The following SOCS4 variants were observed in gnomAD, a reference collection of about 807,000 sequenced individuals.
SOCS4 encodes suppressor of cytokine signaling 4.
Under a neutral mutation model 34.1 loss-of-function variants are expected in SOCS4, and 20 were observed. The observed-to-expected ratio is 0.59, with a 90% CI of 0.41 to 0.85. SOCS4 has a LOEUF of 0.85. SOCS4 is among the 40% of genes least tolerant of loss of function. The pLI, the probability that SOCS4 is intolerant of heterozygous loss-of-function variation, is 0.00. For missense variants in SOCS4, 479 were observed against 532.4 expected (o/e 0.90, Z 0.99); for synonymous variants, 180 against 186.4 (o/e 0.97, Z 0.28).
Position 55,046,000 on chromosome 14 carries a change from G to T in SOCS4, c.*1636G>T. 1 of 166,556 alleles carries T rather than the reference G, an allele frequency of 6.0e-6. No homozygotes were observed. The allele number at this position is 166,556 out of a possible 1,614,324, so 10.3% of individuals were successfully genotyped here. ...TTTTAGTAATTATTACAAAATTAAG[G>T]AAAATCTCTATTACCGTTATCTTTT... On this transcript the variant is annotated 3_prime_UTR_variant, in exon 3 of 3. Transcript: ENST00000555846.
intron 1 of SOCS4, among the ~76,000 whole-genome samples, chr14:55,028,051 G>A (rs28420819): frequency 0.034 from 5,174 of 152,238 alleles, 270 homozygotes; most frequent in African/African-American, 0.12. Context: ...TCTTTCATTT[G>A]TACTTATCTT....
intron 2 of SOCS4, among the ~76,000 whole-genome samples, chr14:55,041,783 CTTTTT>C (rs35998700): frequency 0.016 from 627 of 40,064 alleles, 2 homozygotes; most frequent in Middle Eastern, 0.043. Flanking sequence ...AACCCTTAAT[CTTTTT>C]TTTTTTTTTT....
intron 1 of SOCS4, among the ~76,000 whole-genome samples, chr14:55,031,362 A>G (rs1034618490): frequency 4.6e-5 from 7 of 152,166 alleles, no homozygotes; most frequent in African/African-American, 1.7e-4. Context: ...TGTTTCCCCA[A>G]ACTTTCTTCC....
Position 55,045,849 on chromosome 14 carries a change from T to C in SOCS4, c.*1485T>C, listed in dbSNP as rs2042670764. The C allele has an allele frequency of 6.0e-6, 1 of 166,986 alleles. No individual in the cohort carries two copies. The highest frequency in any genetic ancestry group is 2.4e-5 in the African/African-American group (1 of 41,474). The allele number at this position is 166,986 out of a possible 1,614,324, so 10.3% of individuals were successfully genotyped here. A position where few individuals can be genotyped will look rare whatever the true frequency, so the allele number is the denominator to read the frequency against. ...CTACCTAGATTGAAAGAAATTTGAC[T>C]CATAAACTTCCAAGTTAGAACAAAT... is the stretch of plus-strand genomic sequence containing the variant. On this transcript the variant is annotated 3_prime_UTR_variant, in exon 3 of 3. Transcript: ENST00000555846.
intron 2 of SOCS4, among the ~76,000 whole-genome samples, chr14:55,040,742 T>G (rs1271690784): frequency 6.6e-6 from 1 of 150,432 alleles, no homozygotes; most frequent in African/African-American, 2.4e-5. Context: ...AGACTCCATC[T>G]CAAAAAAAAA....
At chr14:55,029,575 A>G (rs532344508) in intron 1 of SOCS4, among the ~76,000 whole-genome samples, 21 of 152,336 alleles carry the variant, frequency 1.4e-4, no homozygotes, top group Non-Finnish European at 2.9e-4. Context: ...GTGATCTTAC[A>G]GGATTTATCT....
chr14:55,028,461 T>G (rs2042491766), intron 1 of SOCS4, among the ~76,000 whole-genome samples: 1 of 152,120 alleles, frequency 6.6e-6, no homozygotes, highest in Non-Finnish European at 1.5e-5. Flanking sequence ...GACTGGCTTA[T>G]AAATTTTTTC....
In SOCS4 at chr14:55,043,905, G is replaced by C; in HGVS notation, c.864G>C (p.Trp288Cys). 6.2e-7 allele frequency: 1 copy of C among 1,614,128 alleles called. No individual in the cohort carries two copies. The highest frequency in any genetic ancestry group is 8.5e-7 in the Non-Finnish European group (1 of 1,180,012). The stretch of plus-strand genomic sequence containing the variant: ...AGATCAATAACAACCCATGTTACTG[G>C]GGAGTGATGGATAAATACGCAGCCG... The part of the protein sequence containing the change: ...LLQINNNPCY[W>C]GVMDKYAAEA... The change falls in exon 3 of 3, where the codon TGG becomes TGC. Residue 288 changes from tryptophan (W) to cysteine (C), a missense_variant. Trp to Cys is a radical substitution (Grantham distance 215). Transcript: ENST00000555846.
chr14:55,044,134 A>G lies in SOCS4; in HGVS notation c.1093A>G (p.Lys365Glu). 1 of 1,614,164 alleles carries G rather than the reference A, an allele frequency of 6.2e-7. No homozygotes were observed. ...PDITGLLEHY[K>E]DPSACMFFEP... is the part of the protein sequence containing the mutation. ...CATTACTGGGCTCCTAGAACATTAT[A>G]AGGACCCAAGCGCCTGTATGTTCTT... Residue 365 changes from lysine to glutamate, a missense_variant, in exon 3 of 3, where the codon AAG (lysine) becomes GAG (glutamate). Lys to Glu is a moderately conservative substitution (Grantham distance 56). Transcript: ENST00000555846.
rs2042660632 is a variant in SOCS4 at position 55,044,886 on chromosome 14, A to G, written c.*522A>G. The G allele has an allele frequency of 6.0e-6, 1 of 167,078 alleles. No homozygotes were observed. Among genetic ancestry groups the G allele is most frequent in the African/African-American group, 2.4e-5 (1 of 41,468 alleles). The allele number at this position is 167,078 out of a possible 1,614,324, so 10.3% of individuals were successfully genotyped here. A position where few individuals can be genotyped will look rare whatever the true frequency, so the allele number is the denominator to read the frequency against. On this transcript the variant is annotated 3_prime_UTR_variant, in exon 3 of 3. Coordinates refer to ENST00000555846, the MANE Select transcript of SOCS4 (RefSeq NM_199421.2). ...CTGAATGTTGTAATTCACCATTCAT[A>G]CTAATGTTATTGACTTTTGTAACTT...
intron 1 of SOCS4, among the ~76,000 whole-genome samples, chr14:55,028,589 A>G (rs1253442744): frequency 6.6e-6 from 1 of 152,212 alleles, no homozygotes; most frequent in Non-Finnish European, 1.5e-5. Context: ...TTCAGAGCTC[A>G]GCATAAGAAG....
chr14:55,039,461 T>C (rs1220064669), intron 2 of SOCS4, among the ~76,000 whole-genome samples: 1 of 151,732 alleles, frequency 6.6e-6, no homozygotes, highest in Non-Finnish European at 1.5e-5. Flanking sequence ...TTAGTAGAAA[T>C]GGGAACAGTT....
intron 2 of SOCS4, among the ~76,000 whole-genome samples, chr14:55,037,353 C>A (rs890740575): frequency 6.6e-6 from 1 of 151,804 alleles, no homozygotes; most frequent in African/African-American, 2.4e-5. Flanking sequence ...CCATCTTGGC[C>A]AGGCTGGTCT....
At chr14:55,033,406 TTC>T (rs1027421832) in intron 2 of SOCS4, among the ~76,000 whole-genome samples, 2 of 152,332 alleles carry the variant, frequency 1.3e-5, no homozygotes, top group East Asian at 3.9e-4. Context: ...TTTGATAGAC[TTC>T]TCTCATTTTT....
In SOCS4 at chr14:55,027,378, G is replaced by GCCT. The variant is rs894779507; in HGVS notation, c.-310_-308dup. 15 of 158,432 alleles carry GCCT rather than the reference G, an allele frequency of 9.5e-5. No individual in the cohort carries two copies. Among genetic ancestry groups the GCCT allele is most frequent in the African/African-American group, 3.6e-4 (15 of 41,486 alleles). The allele number at this position is 158,432 out of a possible 1,614,324, so 9.8% of individuals were successfully genotyped here. ...CTACACGAGGTGCAGGAGTGGTTGG[G>GCCT]CCTCCCCTCTCCACTTAAGCAAGCG... is the stretch of plus-strand genomic sequence containing the variant. On this transcript the variant is annotated 5_prime_UTR_variant, in exon 1 of 3. Transcript: ENST00000555846.
chr14:55,036,549 G>A (rs1339673915), intron 2 of SOCS4, among the ~76,000 whole-genome samples: 1 of 151,862 alleles, frequency 6.6e-6, no homozygotes, highest in African/African-American at 2.4e-5. Flanking sequence ...TTACCATGTT[G>A]GCCAGGCTGG....
chr14:55,047,089 G>A lies in SOCS4; in HGVS notation c.*2725G>A, dbSNP rs1041989304. On this transcript the variant is annotated 3_prime_UTR_variant, in exon 3 of 3. Transcript: ENST00000555846. ...CAGTGTAAATTCCAGAGTTGAGAAA[G>A]CATTTAGCATGGTGGAAATGTGGAG... The A allele has an allele frequency of 6.0e-5, 10 of 167,074 alleles. No individual in the cohort carries two copies. The highest frequency in any genetic ancestry group is 2.4e-4 in the African/African-American group (10 of 41,450). The allele number at this position is 167,074 out of a possible 1,614,324, so 10.3% of individuals were successfully genotyped here.
At position 55,041,783 on chromosome 14, in the gene SOCS4, CTTTTTTTTTTTTTTT is replaced by C. The variant is rs35998700; in HGVS notation, c.-90-1157_-90-1143del. Among the ~76,000 whole-genome samples the C allele has an allele frequency of 5.5e-4, 22 of 40,080 alleles. 1 individual carries two copies. The highest frequency in any genetic ancestry group is 8.6e-4 in the Non-Finnish European group (18 of 21,040). The allele number at this position is 40,080 out of a possible 152,430, so 26.3% of individuals were successfully genotyped here. A position where few individuals can be genotyped will look rare whatever the true frequency, so the allele number is the denominator to read the frequency against. On this transcript the variant is annotated intron_variant, in intron 2 of 2. Coordinates refer to ENST00000555846, the MANE Select transcript of SOCS4 (RefSeq NM_199421.2). ...CCACCGTGCCCAGCCAACCCTTAAT[CTTTTTTTTTTTTTTT>C]TTTTTTTTTTTGAGCTGAAGTCTCG...
intron 1 of SOCS4, among the ~76,000 whole-genome samples, chr14:55,029,747 C>T (rs1023209235): frequency 3.9e-5 from 6 of 152,116 alleles, no homozygotes; most frequent in African/African-American, 1.4e-4. Context: ...ACATTGAAGG[C>T]ACTTTAGAAA....
Sources: allele counts gnomAD v4.1 joint callset (sites outside exome capture counted in the v4.1 genomes callset), GRCh38; gene constraint gnomAD v4.1.1; transcripts MANE v1.5; gene names NCBI Gene and HGNC (gene_info 2026-07-23, HGNC 2026-07-21).